Variants in CHD7 observed in about 807,000 individuals in gnomAD.
CHD7 encodes ATP-dependent chromatin remodeler CHD7.
A neutral mutation model predicts 307.3 loss-of-function variants in CHD7; 24 were observed. The observed-to-expected ratio is 0.08, with a 90% CI of 0.06 to 0.11. The LOEUF (loss-of-function observed/expected upper bound fraction) is 0.11. Ranked by LOEUF, CHD7 falls within the 10% of genes least tolerant of loss-of-function variation. The probability of loss-of-function intolerance (pLI) is 1.00; values close to 1 mark genes in which losing one functional copy is unlikely to be tolerated. For missense variants in CHD7, 3,106 were observed against 3,727.1 expected, an observed-to-expected ratio of 0.83 and a Z score of 4.34; for synonymous variants, 1,363 against 1,349.9, an observed-to-expected ratio of 1.01 and a Z score of -0.21.
chr8:60,695,068 G>T (rs557609119), intron 1 of CHD7, among the ~76,000 whole-genome samples: 21 of 152,234 alleles, frequency 1.4e-4, no homozygotes, highest in African/African-American at 3.1e-4. Context: ...CATTCAGGGT[G>T]GGGGGAAGAG....
chr8:60,719,720 C>T (rs1001150942), intron 1 of CHD7, among the ~76,000 whole-genome samples: 2 of 152,124 alleles, frequency 1.3e-5, no homozygotes, highest in South Asian at 2.1e-4. Context: ...CTCCAGTGAG[C>T]GCTGTGAAGG....
At chr8:60,762,811 T>G (rs1040463769) in intron 2 of CHD7, among the ~76,000 whole-genome samples, 1 of 152,096 alleles carries the variant, frequency 6.6e-6, no homozygotes, top group Non-Finnish European at 1.5e-5. Flanking sequence ...GCTTGTTGAA[T>G]GTGTGATATG....
Position 60,744,553 on chromosome 8 carries a change from G to GAA in CHD7, c.1665+1464_1665+1465dup, listed in dbSNP as rs910302205. On this transcript the variant is annotated intron_variant, in intron 2 of 37. Transcript: ENST00000423902. The stretch of plus-strand genomic sequence containing the variant: ...CTTTTTGTCAGTTCATTAAAAAAAA[G>GAA]AAAAAAAAAGTATTTTAGGCCAGGC... Among the ~76,000 whole-genome samples the GAA allele has an allele frequency of 1.6e-4, 15 of 93,490 alleles. No individual in the cohort carries two copies. The East Asian group carries it at 4.7e-3, about 29-fold the overall frequency. The allele number at this position is 93,490 out of a possible 152,430, so 61.3% of individuals were successfully genotyped here.
At chr8:60,816,534 T>A in intron 8 of CHD7, 33 bp downstream of exon 8, 1 of 1,206,862 alleles carries the variant, frequency 8.3e-7, no homozygotes, top group Non-Finnish European at 1.2e-6. Context: ...TCCAAAGTAT[T>A]TACTTTGTTA....
At chr8:60,823,596 T>C (rs1804142401) in intron 12 of CHD7, among the ~76,000 whole-genome samples, 1 of 152,222 alleles carries the variant, frequency 6.6e-6, no homozygotes, top group Non-Finnish European at 1.5e-5. Context: ...TTAGTGGTAA[T>C]TGATGCATGT....
At chr8:60,856,303 T>C (rs1805705293) in intron 33 of CHD7, 101 bp downstream of exon 33, 1 of 1,235,902 alleles carries the variant, frequency 8.1e-7, no homozygotes, top group African/African-American at 1.5e-5. Flanking sequence ...AGAAATAAGA[T>C]AGCTGCTGTT....
At chr8:60,733,308 A>G (rs1336409297) in intron 1 of CHD7, among the ~76,000 whole-genome samples, 1 of 151,642 alleles carries the variant, frequency 6.6e-6, no homozygotes, top group African/African-American at 2.4e-5. Flanking sequence ...ACACCTAGGT[A>G]TGGTATATAT....
At chr8:60,779,960 A>G (rs1699910017) in intron 2 of CHD7, among the ~76,000 whole-genome samples, 1 of 152,260 alleles carries the variant, frequency 6.6e-6, no homozygotes, top group African/African-American at 2.4e-5. Flanking sequence ...TGCCTGGCAC[A>G]TAGTAGATCG....
chr8:60,825,699 C>G (rs1804227470), intron 13 of CHD7, among the ~76,000 whole-genome samples: 1 of 152,216 alleles, frequency 6.6e-6, no homozygotes, highest in South Asian at 2.1e-4. Flanking sequence ...CTTAAACAGT[C>G]ATCTGACTGA....
chr8:60,690,230 T>C (rs1359293590), intron 1 of CHD7, among the ~76,000 whole-genome samples: 1 of 152,228 alleles, frequency 6.6e-6, no homozygotes, highest in Non-Finnish European at 1.5e-5. Context: ...TAATACTGCT[T>C]TCTCCCACAC....
At chr8:60,760,191 G>T (rs1044504966) in intron 2 of CHD7, among the ~76,000 whole-genome samples, 3 of 152,166 alleles carry the variant, frequency 2.0e-5, no homozygotes, top group Non-Finnish European at 2.9e-5. Flanking sequence ...GATGGTCCTA[G>T]GAGTTGGTAT....
In CHD7 at chr8:60,823,902, G is replaced by C; in HGVS notation, c.3264G>C (p.Leu1088Phe). 1 of 1,613,898 alleles carries C rather than the reference G, an allele frequency of 6.2e-7. No individual in the cohort carries two copies. The highest frequency in any genetic ancestry group is 8.5e-7 in the Non-Finnish European group (1 of 1,179,818). Residue 1088 changes from leucine to phenylalanine, a missense_variant, in exon 13 of 38, where the codon TTG becomes TTC. Around this residue, in one of 10 missense-constraint regions of CHD7, gnomAD observed 232 missense variants for 422.5 expected, o/e 0.55. Coordinates refer to ENST00000423902, the MANE Select transcript of CHD7 (RefSeq NM_017780.4). ...TCATCACTACATTTGAGATGATTTT[G>C]ACTGATTGTCCTGAGCTGCGGAATA... is the stretch of plus-strand genomic sequence containing the variant. ...HAIITTFEMI[L>F]TDCPELRNIP...
In CHD7 at chr8:60,856,769, C is replaced by G. The variant is rs771698896; in HGVS notation, c.7489C>G (p.Leu2497Val). 1 of 1,613,978 alleles carries G rather than the reference C, an allele frequency of 6.2e-7. No individual in the cohort carries two copies. ...CCTTTCGCGCACACCCACAAGGCATCTCCTTAATGGCTCCCTAGTGGATGG... is the reference window on the plus strand; with the variant it reads ...CCTTTCGCGCACACCCACAAGGCATGTCCTTAATGGCTCCCTAGTGGATGG... ...AGLSRTPTRH[L>V]LNGSLVDGEP... Residue 2497 changes from leucine to valine, a missense_variant, in exon 34 of 38, where the codon CTC becomes GTC. Leu to Val is a conservative substitution (Grantham distance 32). This residue lies in a region of CHD7 where 1,030 missense variants were observed against 1,165.4 expected (regional missense o/e 0.88). Transcript: ENST00000423902.
At chr8:60,679,296 G>A (rs1410145614) in intron 1 of CHD7, among the ~76,000 whole-genome samples, 2 of 146,840 alleles carry the variant, frequency 1.4e-5, no homozygotes, top group African/African-American at 4.9e-5. Flanking sequence ...GTCGCCGCCC[G>A]CGGGGCCCGA....
intron 2 of CHD7, 24 bp downstream of exon 2, chr8:60,743,121 C>G: frequency 1.3e-6 from 2 of 1,582,858 alleles, no homozygotes; most frequent in Non-Finnish European, 1.7e-6. Flanking sequence ...GAGCCTACCT[C>G]TGCATTGCAG....
intron 7 of CHD7, among the ~76,000 whole-genome samples, chr8:60,814,046 T>G (rs1812933913): frequency 6.6e-6 from 1 of 152,228 alleles, no homozygotes; most frequent in African/African-American, 2.4e-5. Context: ...CTTCATAATA[T>G]TTTTCTTACA....
chr8:60,762,994 G>A (rs572324656), intron 2 of CHD7, among the ~76,000 whole-genome samples: 1 of 152,216 alleles, frequency 6.6e-6, no homozygotes, highest in African/African-American at 2.4e-5. Context: ...GGGTTGGTGG[G>A]GGGGCGGCAG....
intron 19 of CHD7, among the ~76,000 whole-genome samples, chr8:60,840,725 C>T (rs949443214): frequency 6.6e-6 from 1 of 151,634 alleles, no homozygotes; most frequent in Non-Finnish European, 1.5e-5. Context: ...TCAAGCAATT[C>T]TCTTGCCTCA....
At chr8:60,850,648 A>T (rs1805411958) in intron 26 of CHD7, 26 bp downstream of exon 26, 10 of 1,590,432 alleles carry the variant, frequency 6.3e-6, no homozygotes, top group Admixed American at 1.8e-5. Flanking sequence ...TAAAATTTGA[A>T]TAAACTTTAT....
Sources: gnomAD v4.1 joint callset for allele counts (sites outside exome capture counted in the v4.1 genomes callset) on GRCh38, gnomAD v4.1.1 for gene constraint, gnomAD v4.1.1 regional missense constraint, MANE v1.5 for transcripts, NCBI Gene and HGNC (gene_info 2026-07-23, HGNC 2026-07-21) for gene names.